The following CSPP1 variants were observed in gnomAD, a reference collection of about 807,000 sequenced individuals.
CSPP1 encodes the protein centrosome and spindle pole associated protein 1.
Under a neutral mutation model 164.4 loss-of-function variants are expected in CSPP1, and 126 were observed. That is an observed-to-expected ratio of 0.77 (90% CI 0.66 to 0.89). The LOEUF (loss-of-function observed/expected upper bound fraction) is 0.89, where lower values mean the gene tolerates loss of function less well. Ranked by LOEUF, CSPP1 falls within the 40% of genes least tolerant of loss-of-function variation. CSPP1 has a pLI of 0.00. For missense variants in CSPP1, 1,395 were observed against 1,449.8 expected (o/e 0.96, Z 0.61); for synonymous variants, 472 against 476.7 (o/e 0.99, Z 0.13).
chr8:67,121,167 C>T (rs925133694), intron 15 of CSPP1, among the ~76,000 whole-genome samples: 1 of 152,020 alleles, frequency 6.6e-6, no homozygotes, highest in African/African-American at 2.4e-5. Context: ...ATTTTTCTTT[C>T]TTAATTACTT....
chr8:67,096,765 TGAGGCAG>T (rs58671821), intron 7 of CSPP1, among the ~76,000 whole-genome samples: 1,956 of 151,926 alleles, frequency 0.013, 38 homozygotes, highest in African/African-American at 0.044. Context: ...CTCGGGAGGC[TGAGGCAG>T]GAGAATCGCT....
intron 18 of CSPP1, among the ~76,000 whole-genome samples, chr8:67,151,725 A>G (rs1825724533): frequency 6.6e-6 from 1 of 152,182 alleles, no homozygotes; most frequent in South Asian, 2.1e-4. Flanking sequence ...GTAAAAAAAA[A>G]ACCATAAAAT....
Position 67,112,032 on chromosome 8 carries a change from A to T in CSPP1, c.1154A>T (p.Glu385Val). Residue 385 changes from glutamate (E) to valine (V), a missense_variant, in exon 10 of 31, where the codon GAA becomes GTA. Physicochemically the swap from Glu to Val is moderately radical, Grantham distance 121. Coordinates refer to ENST00000678616, the MANE Select transcript of CSPP1 (RefSeq NM_001382391.1). The stretch of plus-strand genomic sequence containing the variant: ...GAGAAATACAGACTAGAACTGTTGG[A>T]ACAAATGGCTGAGCAACAGAGGAAC... Reference protein sequence around the residue: ...RKEKYRLELLEQMAEQQRNKR... With the variant: ...RKEKYRLELLVQMAEQQRNKR... 1 of 1,612,214 alleles carries T rather than the reference A, an allele frequency of 6.2e-7. No homozygotes were observed. The highest frequency in any genetic ancestry group is 1.1e-5 in the South Asian group (1 of 90,884).
chr8:67,118,254 A>G lies in CSPP1; in HGVS notation c.1503A>G (p.Ala501=), dbSNP rs1818316135. Residue 501 remains alanine, a synonymous_variant, in exon 14 of 31, where the codon GCA becomes GCG. Transcript: ENST00000678616. ...ALGEMVSPRI[A]PLPPPPLLPP... is the part of the protein sequence containing the mutation. ...CATCTTTCTTTTCATACAGGATTGC[A>G]CCTCTGCCTCCACCTCCCCTACTAC... 2 of 1,613,318 alleles carry G rather than the reference A, an allele frequency of 1.2e-6. No individual in the cohort carries two copies. Among genetic ancestry groups the G allele is most frequent in the Non-Finnish European group, 1.7e-6 (2 of 1,179,574 alleles).
chr8:67,065,434 GGC>G (rs1392228350), intron 1 of CSPP1: 1 of 491,896 alleles, frequency 2.0e-6, no homozygotes, highest in East Asian at 1.5e-4. Flanking sequence ...AAAATGCAGG[GGC>G]TTAAAAGCAA....
chr8:67,136,510 A>G (rs1432830751), intron 16 of CSPP1, among the ~76,000 whole-genome samples: 1 of 140,742 alleles, frequency 7.1e-6, no homozygotes, highest in Non-Finnish European at 1.5e-5. Flanking sequence ...CGGAGCTTGC[A>G]GTGAGCTGAG....
At chr8:67,184,966 A>C (rs1287311828) in intron 28 of CSPP1, among the ~76,000 whole-genome samples, 1 of 144,060 alleles carries the variant, frequency 6.9e-6, no homozygotes, top group East Asian at 2.0e-4. Flanking sequence ...AAAAAAAAAA[A>C]GGTGGTGGGC....
chr8:67,145,055 CAAAAA>C (rs1184105758), intron 17 of CSPP1, among the ~76,000 whole-genome samples: 2 of 62,420 alleles, frequency 3.2e-5, no homozygotes, highest in Admixed American at 1.9e-4. Context: ...GACTCCATCT[CAAAAA>C]AAAAAAAAAA....
intron 6 of CSPP1, among the ~76,000 whole-genome samples, chr8:67,094,119 GAAAA>G (rs71249416): frequency 3.4e-5 from 1 of 29,452 alleles, no homozygotes; most frequent in Non-Finnish European, 5.3e-5. Context: ...GACCTGGTCT[GAAAA>G]AAAAAAAAAA....
intron 28 of CSPP1, among the ~76,000 whole-genome samples, chr8:67,184,782 A>AT (rs1834020254): frequency 1.4e-5 from 2 of 143,014 alleles, no homozygotes; most frequent in South Asian, 4.2e-4. Context: ...GTTGGGGGGC[A>AT]TATCACTACA....
At chr8:67,112,583 C>T (rs985555036) in intron 10 of CSPP1, among the ~76,000 whole-genome samples, 4 of 152,102 alleles carry the variant, frequency 2.6e-5, no homozygotes, top group East Asian at 3.9e-4. Context: ...CTTGTCCTCT[C>T]GTATTCACTT....
At chr8:67,144,629 CAG>C (rs1824129549) in intron 17 of CSPP1, among the ~76,000 whole-genome samples, 1 of 152,000 alleles carries the variant, frequency 6.6e-6, no homozygotes, top group South Asian at 2.1e-4. Context: ...TTTGTAGAAA[CAG>C]GGTCTCACTA....
chr8:67,100,611 A>G (rs866195943), intron 7 of CSPP1, among the ~76,000 whole-genome samples: 124 of 150,392 alleles, frequency 8.2e-4, no homozygotes, highest in Middle Eastern at 6.8e-3. Flanking sequence ...ACAGGGTCTT[A>G]CTCTGTTGCT....
intron 25 of CSPP1, 143 bp from the exon 26 acceptor site, chr8:67,175,153 C>T (rs781043677): frequency 3.9e-5 from 26 of 662,130 alleles, no homozygotes; most frequent in Non-Finnish European, 6.5e-5. Flanking sequence ...TTTTACTGTC[C>T]TTTGACTTTA....
chr8:67,152,075 A>G (rs555671179), intron 18 of CSPP1, among the ~76,000 whole-genome samples: 164 of 144,074 alleles, frequency 1.1e-3, no homozygotes, highest in African/African-American at 4.1e-3. Context: ...TGACAGAGTG[A>G]GACTCCATCT....
Position 67,177,708 on chromosome 8 carries a change from A to G in CSPP1, c.3138A>G (p.Lys1046=), listed in dbSNP as rs76567936. The G allele has an allele frequency of 2.7e-3, 4,371 of 1,612,298 alleles. 105 individuals are homozygous for G. The African/African-American group carries it at 0.053, about 20-fold the overall frequency. ...KVDLDAIPSA[K]VREQRMPRDD... Reference sequence around the variant, plus strand: ...ACTTAGATGCCATCCCAAGTGCTAAAGTACGAGAGCAAAGAATGGTAAGCA... The same window carrying G: ...ACTTAGATGCCATCCCAAGTGCTAAGGTACGAGAGCAAAGAATGGTAAGCA... Residue 1046 remains lysine, a synonymous_variant, in exon 27 of 31, where the codon AAA becomes AAG. Coordinates refer to ENST00000678616, the MANE Select transcript of CSPP1 (RefSeq NM_001382391.1).
chr8:67,082,191 G>A (rs1023632268), intron 3 of CSPP1, among the ~76,000 whole-genome samples: 4 of 152,152 alleles, frequency 2.6e-5, no homozygotes, highest in Admixed American at 6.5e-5. Flanking sequence ...GAGATTACAG[G>A]TGCCTGCCAC....
At chr8:67,065,518 G>A in intron 1 of CSPP1, 1 of 981,506 alleles carries the variant, frequency 1.0e-6, no homozygotes, top group Non-Finnish European at 1.2e-6. Flanking sequence ...ATGTTGACAA[G>A]CTCCATGGAA....
chr8:67,085,301 C>G (rs1810150224), intron 3 of CSPP1, among the ~76,000 whole-genome samples: 1 of 150,978 alleles, frequency 6.6e-6, no homozygotes, highest in Non-Finnish European at 1.5e-5. Flanking sequence ...TTTATGAAAT[C>G]AGAAGTGGTT....
Sources: allele counts gnomAD v4.1 joint callset (sites outside exome capture counted in the v4.1 genomes callset), GRCh38; gene constraint gnomAD v4.1.1; transcripts MANE v1.5; gene names NCBI Gene and HGNC (gene_info 2026-07-23, HGNC 2026-07-21).